ZNF217: variants seen among roughly 807,000 people sequenced by gnomAD.
ZNF217 encodes the protein zinc finger protein 217.
Under a neutral mutation model 73.3 loss-of-function variants are expected in ZNF217, and 12 were observed. That is an observed-to-expected ratio of 0.16 (90% confidence interval 0.10 to 0.27). The LOEUF is 0.27. Ranked by LOEUF, ZNF217 falls within the 10% of genes least tolerant of loss-of-function variation. The probability of loss-of-function intolerance (pLI) is 1.00; values close to 1 mark genes in which losing one functional copy is unlikely to be tolerated. For synonymous variants in ZNF217, 588 were observed against 516.4 expected (o/e 1.14, Z -1.88); for missense variants, 1,195 against 1,327.8 (o/e 0.90, Z 1.55).
chr20:53,592,160 C>T (rs1465594478), intron 1 of ZNF217, among the ~76,000 whole-genome samples: 1 of 152,162 alleles, frequency 6.6e-6, no homozygotes, highest in African/African-American at 2.4e-5. Context: ...ATCTAGAAAA[C>T]TGAAAAACCT....
At chr20:53,571,409 C>T (rs1354998510) in intron 5 of ZNF217, among the ~76,000 whole-genome samples, 5 of 116,658 alleles carry the variant, frequency 4.3e-5, no homozygotes, top group Admixed American at 2.9e-4. Context: ...CGCCCCCGCC[C>T]CCCCTTTTTT....
rs1050089976 is a variant in ZNF217, at chr20:53,576,014, G to T, written c.2750C>A (p.Pro917Gln). 1 of 1,614,200 alleles carries T rather than the reference G, an allele frequency of 6.2e-7. No individual in the cohort carries two copies. The highest frequency in any genetic ancestry group is 8.5e-7 in the Non-Finnish European group (1 of 1,180,038). Residue 917 changes from proline (P) to glutamine (Q), a missense_variant, in exon 4 of 6, where the codon CCA (proline) becomes CAA (glutamine). Physicochemically the swap from Pro to Gln is moderately conservative, Grantham distance 76 (BLOSUM62 -1). This residue lies in a region of ZNF217 where 649 missense variants were observed against 642.8 expected (regional missense o/e 1.01). Transcript: ENST00000371471. ...AACCACGCTGGACTTCAGTCTTTTT[G>T]GAAGGGGCTCACCAAATTCTGCTGC... ...NTAAEFGEPL[P>Q]KRLKSSVVAL...
At chr20:53,571,007 G>A (rs1240460271) in intron 5 of ZNF217, among the ~76,000 whole-genome samples, 1 of 152,202 alleles carries the variant, frequency 6.6e-6, no homozygotes, top group Non-Finnish European at 1.5e-5. Context: ...TGCAGGCCAC[G>A]TGGTCTGTCA....
At chr20:53,595,045 A>AC (rs1044203642), upstream of ZNF217, among the ~76,000 whole-genome samples, 7 of 60,580 alleles carry the variant, frequency 1.2e-4, no homozygotes, top group Admixed American at 5.3e-4. Flanking sequence ...AAAAAAAGGG[A>AC]CAAAAAAAAA....
chr20:53,593,917 C>T (rs1244228308), upstream of ZNF217: 1 of 151,366 alleles, frequency 6.6e-6, no homozygotes, highest in East Asian at 2.0e-4. Context: ...TTCTCTCAGC[C>T]TTTTGTGCGG....
In ZNF217 at chr20:53,571,776, CATTCCCAATAAA is replaced by C; in HGVS notation, c.3103_3114del (p.Phe1035_Asn1038del). 5 of 1,613,186 alleles carry C rather than the reference CATTCCCAATAAA, an allele frequency of 3.1e-6. No individual in the cohort carries two copies. The highest frequency in any genetic ancestry group is 4.2e-6 in the Non-Finnish European group (5 of 1,179,716). ...TTTTTGTCATTTGGTCGATAATGTG[CATTCCCAATAAA>C]ATTCTCATAGTTTCTCTTTTGTGCC... On this transcript the variant is annotated inframe_deletion, in exon 5 of 6. Transcript: ENST00000371471.
intron 1 of ZNF217, among the ~76,000 whole-genome samples, chr20:53,584,516 A>G (rs1035598683): frequency 1.3e-5 from 2 of 152,230 alleles, no homozygotes; most frequent in African/African-American, 4.8e-5. Context: ...AATGTCCTGA[A>G]GTCTTTTCTT....
chr20:53,575,970 G>A lies in ZNF217; in HGVS notation c.2794C>T (p.Pro932Ser), dbSNP rs1988242990. 6.2e-7 allele frequency: 1 copy of A among 1,614,202 alleles called. No homozygotes were observed. The highest frequency in any genetic ancestry group is 1.1e-5 in the South Asian group (1 of 91,086). The change falls in exon 4 of 6, where the codon CCC becomes TCC. Residue 932 changes from proline (P) to serine (S), a missense_variant. Pro to Ser is a moderately conservative substitution (Grantham distance 74, BLOSUM62 -1). Transcript: ENST00000371471. The stretch of plus-strand genomic sequence containing the variant: ...TAGCCTCTTCTGTAATTGGCCCCGG[G>A]CTGGTCAACGTCAAGGGCAACCACG... ...SSVVALDVDQ[P>S]GANYRRGYDL...
intron 1 of ZNF217, among the ~76,000 whole-genome samples, chr20:53,588,851 C>T (rs1234903700): frequency 1.3e-5 from 2 of 152,196 alleles, no homozygotes; most frequent in Non-Finnish European, 2.9e-5. Flanking sequence ...TTTCCAGTCA[C>T]CTGTTTGCTT....
In ZNF217 at chr20:53,568,946, TTTC is replaced by T. The variant is rs1987864417; in HGVS notation, c.*339_*341del. On this transcript the variant is annotated 3_prime_UTR_variant, in exon 6 of 6. Coordinates refer to ENST00000371471, the MANE Select transcript of ZNF217 (RefSeq NM_006526.3). ...ATCCCGCCCCACCCAACCCAAATGA[TTTC>T]TTTTCAGCAGCGCTCAAGTATGCAA... 6.4e-6 allele frequency: 1 copy of T among 156,474 alleles called. No individual in the cohort carries two copies. Among genetic ancestry groups the T allele is most frequent in the African/African-American group, 3.0e-5 (1 of 33,786 alleles). 9.7% of individuals were successfully genotyped at this position (156,474 alleles called of 1,614,324 possible). A position where few individuals can be genotyped will look rare whatever the true frequency, so the allele number is the denominator to read the frequency against.
intron 1 of ZNF217, among the ~76,000 whole-genome samples, chr20:53,589,956 T>C (rs1988825421): frequency 7.4e-6 from 1 of 134,634 alleles, no homozygotes; most frequent in African/African-American, 2.7e-5. Flanking sequence ...CCGCCCGCCA[T>C]TGTCTCAAGT....
chr20:53,571,916 T>C, intron 4 of ZNF217, 63 bp from the exon 5 acceptor site: 12 of 1,490,636 alleles, frequency 8.1e-6, no homozygotes, highest in Non-Finnish European at 9.8e-6. Flanking sequence ...TGTGTATAGG[T>C]TTTTAGAAGT....
Position 53,582,765 on chromosome 20 carries a change from G to A in ZNF217, c.62C>T (p.Pro21Leu), listed in dbSNP as rs1261648527. Residue 21 changes from proline (P) to leucine (L), a missense_variant, in exon 2 of 6, where the codon CCA becomes CTA. Pro to Leu is a moderately conservative substitution (Grantham distance 98, BLOSUM62 -3). This residue lies in a region of ZNF217 where 147 missense variants were observed against 184.3 expected (regional missense o/e 0.80). Coordinates refer to ENST00000371471, the MANE Select transcript of ZNF217 (RefSeq NM_006526.3). This position sits in a 1 kb window ranked among gnomAD's most constrained non-coding sequence, Gnocchi z 4.8. ...GCCAAGAGAGCTGCCAATCACTTCTGGCCCATCCATGTACATTAAGAGGGA... is the reference window on the plus strand; with the variant it reads ...GCCAAGAGAGCTGCCAATCACTTCTAGCCCATCCATGTACATTAAGAGGGA... ...TQSLLMYMDG[P>L]EVIGSSLGSP... 1 of 1,614,004 alleles carries A rather than the reference G, an allele frequency of 6.2e-7. No individual in the cohort carries two copies. The highest frequency in any genetic ancestry group is 8.5e-7 in the Non-Finnish European group (1 of 1,179,998).
In ZNF217 at chr20:53,582,075, G is replaced by A. The variant is rs762579755; in HGVS notation, c.752C>T (p.Thr251Ile). ...KTAFGTSSAQ[T>I]DSPQGGMPSS... ...CGGCATTCCTCCTTGTGGAGAGTCT[G>A]TCTGCGCGCTGCTGGTACCGAAAGC... The change falls in exon 2 of 6, where the codon ACA (threonine) becomes ATA (isoleucine). Residue 251 changes from threonine (T) to isoleucine (I), a missense_variant. By Grantham distance (89) the Thr-to-Ile change is moderately conservative. Transcript: ENST00000371471. The surrounding 1 kb of genome is among the most constrained non-coding windows in gnomAD (Gnocchi z 4.8). 1.1e-5 allele frequency: 18 copies of A among 1,614,102 alleles called. No homozygotes were observed. Among genetic ancestry groups the A allele is most frequent in the Non-Finnish European group, 1.5e-5 (18 of 1,180,042 alleles).
At chr20:53,575,544 A>T in intron 4 of ZNF217, 183 bp downstream of exon 4, 1 of 572,958 alleles carries the variant, frequency 1.7e-6, no homozygotes. Context: ...CCACAGAGTT[A>T]AGTAAGCCTT....
Position 53,578,588 on chromosome 20 carries a change from A to G in ZNF217, c.1367-138T>C, listed in dbSNP as rs1012303874. Reference sequence around the variant, plus strand: ...TTTTATATAACATCGGGTTAGAACAAAACGGCTAGACACACACCAAATGCT... The same window carrying G: ...TTTTATATAACATCGGGTTAGAACAGAACGGCTAGACACACACCAAATGCT... On this transcript the variant is annotated intron_variant, in intron 2 of 5. Coordinates refer to ENST00000371471, the MANE Select transcript of ZNF217 (RefSeq NM_006526.3). The G allele has an allele frequency of 2.5e-5, 14 of 567,562 alleles. No homozygotes were observed. In the African/African-American group the frequency reaches 2.7e-4, roughly 11 times the overall value. The allele number at this position is 567,562 out of a possible 1,614,324, so 35.2% of individuals were successfully genotyped here.
chr20:53,569,517 G>A (rs1987902170), intron 5 of ZNF217, among the ~76,000 whole-genome samples: 1 of 152,036 alleles, frequency 6.6e-6, no homozygotes, highest in Non-Finnish European at 1.5e-5. Flanking sequence ...CAAGTAGCTG[G>A]GACTACAGGC....
rs183614084 is a variant in ZNF217, at chr20:53,584,445, G to T, written c.-342-1277C>A. ...GTTATCTTTAGTTTTGAATAAACTA[G>T]ATCTTTAACATTAAGCTTTTCTAAA... is the stretch of plus-strand genomic sequence containing the variant. On this transcript the variant is annotated intron_variant, in intron 1 of 5. Coordinates refer to ENST00000371471, the MANE Select transcript of ZNF217 (RefSeq NM_006526.3). 3.3e-5 allele frequency among the ~76,000 whole-genome samples: 5 copies of T among 152,322 alleles called. No individual in the cohort carries two copies. In the East Asian group the frequency reaches 7.7e-4, roughly 24 times the overall value.
At chr20:53,585,861 G>C (rs538494370) in intron 1 of ZNF217, among the ~76,000 whole-genome samples, 1 of 152,088 alleles carries the variant, frequency 6.6e-6, no homozygotes, top group African/African-American at 2.4e-5. Context: ...TGTGTGGTCA[G>C]ATGGGGAAGG....
Sources: gnomAD v4.1 joint callset for allele counts (sites outside exome capture counted in the v4.1 genomes callset) on GRCh38, gnomAD v4.1.1 for gene constraint, gnomAD v4.1.1 regional missense constraint, Gnocchi (gnomAD v3.1) non-coding constraint, MANE v1.5 for transcripts, NCBI Gene and HGNC (gene_info 2026-07-23, HGNC 2026-07-21) for gene names.